Variants in WDR59 observed in about 807,000 individuals in gnomAD.
WDR59 encodes GATOR2 complex protein WDR59.
A neutral mutation model predicts 131.2 loss-of-function variants in WDR59; 100 were observed. That is an observed-to-expected ratio of 0.76 (90% CI 0.65 to 0.90). WDR59 has a LOEUF of 0.90. WDR59 is among the 40% of genes least tolerant of loss of function. The pLI, the probability that WDR59 is intolerant of heterozygous loss-of-function variation, is 0.00. For missense variants in WDR59, 1,203 were observed against 1,262.2 expected (o/e 0.95, Z 0.71); for synonymous variants, 601 against 466.2 (o/e 1.29, Z -3.72).
At chr16:74,891,858 A>G (rs1288356046) in intron 20 of WDR59, among the ~76,000 whole-genome samples, 3 of 152,134 alleles carry the variant, frequency 2.0e-5, no homozygotes, top group Non-Finnish European at 4.4e-5. Context: ...CGGGAGGCGG[A>G]GGTTGTGGTG....
intron 2 of WDR59, among the ~76,000 whole-genome samples, chr16:74,963,909 GAA>G (rs2033663592): frequency 6.6e-6 from 1 of 150,470 alleles, no homozygotes; most frequent in African/African-American, 2.4e-5. Context: ...TCAAAAGAAA[GAA>G]AGAGAAAAAG....
At chr16:74,906,438 T>G (rs1305215374) in intron 17 of WDR59, among the ~76,000 whole-genome samples, 1 of 151,930 alleles carries the variant, frequency 6.6e-6, no homozygotes, top group Non-Finnish European at 1.5e-5. Context: ...ACATTGCTAG[T>G]GACAGGGTAA....
intron 6 of WDR59, among the ~76,000 whole-genome samples, chr16:74,945,482 TA>T (rs796605514): frequency 1.0e-3 from 135 of 135,634 alleles, no homozygotes; most frequent in South Asian, 2.8e-3. Context: ...GTCTCAAAAA[TA>T]AAAAAAAAAA....
At chr16:74,903,369 G>C (rs1021009110) in intron 18 of WDR59, among the ~76,000 whole-genome samples, 3 of 152,086 alleles carry the variant, frequency 2.0e-5, no homozygotes, top group Non-Finnish European at 4.4e-5. Context: ...GTTTCTGACA[G>C]CTTAATGATA....
chr16:74,902,932 A>T (rs1351656383), intron 18 of WDR59, among the ~76,000 whole-genome samples: 1 of 152,056 alleles, frequency 6.6e-6, no homozygotes, highest in Non-Finnish European at 1.5e-5. Context: ...AAAAAAAAAA[A>T]TCATTTTCCC....
chr16:74,970,839 G>A (rs1313461683), intron 1 of WDR59, among the ~76,000 whole-genome samples: 2 of 151,722 alleles, frequency 1.3e-5, no homozygotes, highest in Non-Finnish European at 2.9e-5. Context: ...ATTGCTTGGA[G>A]CCCAGGAGTT....
Position 74,887,513 on chromosome 16 carries a change from G to T in WDR59, c.2419+170C>A, listed in dbSNP as rs181642992. Among the ~76,000 whole-genome samples, 143 of 152,280 alleles carry T rather than the reference G, an allele frequency of 9.4e-4. 1 individual carries two copies. Among genetic ancestry groups the T allele is most frequent in the Non-Finnish European group, 1.3e-4 (9 of 68,026 alleles). On this transcript the variant is annotated intron_variant, in intron 23 of 25. Transcript: ENST00000262144. ...CACAAAGACCCCCAGAACGTGGTCT[G>T]TTCAACATGCAAAGTCAGGCCTCCA...
intron 13 of WDR59, among the ~76,000 whole-genome samples, chr16:74,914,372 T>C (rs886822102): frequency 2.6e-5 from 4 of 152,190 alleles, no homozygotes; most frequent in Admixed American, 2.6e-4. Context: ...TTGATATAGA[T>C]CACTAATTAA....
At chr16:74,915,786 C>T (rs1041005383) in intron 13 of WDR59, 84 bp downstream of exon 13, 9 of 1,583,636 alleles carry the variant, frequency 5.7e-6, no homozygotes, top group South Asian at 5.6e-5. Context: ...AAGCTATTTG[C>T]TAACTGAAAT....
At chr16:74,971,426 CTTTTTTTTTTTT>C (rs58120924) in intron 1 of WDR59, among the ~76,000 whole-genome samples, 2,140 of 90,280 alleles carry the variant, frequency 0.024, 74 homozygotes, top group African/African-American at 0.096. Context: ...TCTTTCCTTC[CTTTTTTTTTTTT>C]TTTTTTTTTT....
chr16:74,964,957 G>A (rs1424414115), intron 2 of WDR59, among the ~76,000 whole-genome samples: 1 of 152,102 alleles, frequency 6.6e-6, no homozygotes, highest in Non-Finnish European at 1.5e-5. Flanking sequence ...CCAGCTACCT[G>A]GGAAGCTGAG....
chr16:74,903,897 A>G (rs567438618), intron 18 of WDR59, 50 bp downstream of exon 18: 47 of 1,564,624 alleles, frequency 3.0e-5, no homozygotes, highest in African/African-American at 2.3e-4. Flanking sequence ...ATGAGGAACA[A>G]GAATCCAGGA....
Position 74,885,734 on chromosome 16 carries a change from G to C in WDR59, c.2608C>G (p.Leu870Val), listed in dbSNP as rs1256538496. ...DDFKKCYGEILYRWGLREKRA... is the reference protein window; with the variant it reads ...DDFKKCYGEIVYRWGLREKRA... Reference sequence around the variant, plus strand: ...TTCTCTCTCAGACCCCAACGGTAGAGGATTTCCCCATAGCATTTCTTAAAG... The same window carrying C: ...TTCTCTCTCAGACCCCAACGGTAGACGATTTCCCCATAGCATTTCTTAAAG... Residue 870 changes from leucine to valine, a missense_variant, in exon 25 of 26, where the codon CTC (leucine) becomes GTC (valine). Physicochemically the swap from Leu to Val is conservative, Grantham distance 32 (BLOSUM62 1). Transcript: ENST00000262144. 3 of 1,614,012 alleles carry C rather than the reference G, an allele frequency of 1.9e-6. No individual in the cohort carries two copies. The African/African-American group carries it at 4.0e-5, about 22-fold the overall frequency.
intron 1 of WDR59, among the ~76,000 whole-genome samples, chr16:74,972,439 C>G (rs1227320508): frequency 6.6e-6 from 1 of 152,066 alleles, no homozygotes; most frequent in African/African-American, 2.4e-5. Context: ...CACAATTTAT[C>G]AAAGGGAGGA....
chr16:74,959,485 G>T, intron 2 of WDR59: 1 of 444,808 alleles, frequency 2.2e-6, no homozygotes, highest in African/African-American at 2.0e-5. Flanking sequence ...AGCCTTCATG[G>T]TTGGAAGCAG....
At chr16:74,981,660 A>ATTTTTTTTTTTTTTTTT (rs1181233727) in intron 1 of WDR59, among the ~76,000 whole-genome samples, 2 of 80,878 alleles carry the variant, frequency 2.5e-5, no homozygotes, top group African/African-American at 1.5e-4. Flanking sequence ...ATATATATAT[A>ATTTTTTTTTTTTTTTTT]TTTTTTTTTT....
chr16:74,961,247 G>A (rs937019291), intron 2 of WDR59, among the ~76,000 whole-genome samples: 1 of 151,984 alleles, frequency 6.6e-6, no homozygotes, highest in African/African-American at 2.4e-5. Context: ...AGTCGAGACT[G>A]CAGTGAGCCG....
intron 23 of WDR59, 186 bp from the exon 24 acceptor site, chr16:74,886,582 A>C (rs1022318913): frequency 7.5e-6 from 5 of 669,734 alleles, no homozygotes; most frequent in African/African-American, 1.8e-5. Flanking sequence ...GCAGGTATTT[A>C]TTACTAAGAG....
intron 7 of WDR59, among the ~76,000 whole-genome samples, 168 bp from the exon 8 acceptor site, chr16:74,938,434 C>T (rs938517910): frequency 2.0e-5 from 3 of 152,212 alleles, no homozygotes; most frequent in African/African-American, 7.2e-5. Context: ...AACACCATCA[C>T]CAAAAGACTT....
Sources: allele counts gnomAD v4.1 joint callset (sites outside exome capture counted in the v4.1 genomes callset), GRCh38; gene constraint gnomAD v4.1.1; transcripts MANE v1.5; gene names NCBI Gene and HGNC (gene_info 2026-07-23, HGNC 2026-07-21).